The following RSPO1 variants were observed in gnomAD, a reference collection of about 807,000 sequenced individuals.
RSPO1 encodes R-spondin 1, also known as R-spondin-1.
In RSPO1, 18 loss-of-function variants were observed where a neutral mutation model predicts 26.0. The observed-to-expected ratio is 0.69, with a 90% CI of 0.48 to 1.03. RSPO1 has a LOEUF of 1.03. Among genes scored for constraint, RSPO1 ranks in the 50% least tolerant of loss-of-function variants. The probability of loss-of-function intolerance (pLI) is 0.00; values close to 1 mark genes in which losing one functional copy is unlikely to be tolerated. For synonymous variants in RSPO1, 133 were observed against 137.4 expected, an observed-to-expected ratio of 0.97 and a Z score of 0.22; for missense variants, 309 against 352.3, an observed-to-expected ratio of 0.88 and a Z score of 0.98.
intron 1 of RSPO1, among the ~76,000 whole-genome samples, chr1:37,632,805 T>A (rs1218308398): frequency 6.6e-6 from 1 of 152,162 alleles, no homozygotes; most frequent in African/African-American, 2.4e-5. Flanking sequence ...CACACAGGCA[T>A]GCACTCTTGC....
rs563949840 is a variant in RSPO1, at chr1:37,612,794, T to TTGC, written c.750_752dup (p.Gln251dup). On this transcript the variant is annotated inframe_insertion, in exon 7 of 7. Transcript: ENST00000356545. ...CAGATGTGAGTGGCCCCACTGTCCCTTGCTGCTGCTGCTGTTGCTGCCCCT... is the reference window on the plus strand; with the variant it reads ...CAGATGTGAGTGGCCCCACTGTCCCTTGCTGCTGCTGCTGCTGTTGCTGCCCCT... 1,751 of 1,612,830 alleles carry TTGC rather than the reference T, an allele frequency of 1.1e-3. 22 individuals carry two copies. In the African/African-American group the frequency reaches 0.022, roughly 20 times the overall value.
In RSPO1 at chr1:37,620,848, T is replaced by C. The variant is rs60018065; in HGVS notation, c.95-4173A>G. Among the ~76,000 whole-genome samples, 91 of 152,242 alleles carry C rather than the reference T, an allele frequency of 6.0e-4. 2 individuals are homozygous for C. The East Asian group carries it at 0.017, about 28-fold the overall frequency. On this transcript the variant is annotated intron_variant, in intron 3 of 6. Transcript: ENST00000356545. The stretch of plus-strand genomic sequence containing the variant: ...TTAGGCACCACTTCCACTTCAAAGA[T>C]ATTAAATTGTCTATGACTCACTGTT...
chr1:37,622,360 T>G (rs1272530809), intron 3 of RSPO1, among the ~76,000 whole-genome samples: 1 of 152,150 alleles, frequency 6.6e-6, no homozygotes, highest in Non-Finnish European at 1.5e-5. Flanking sequence ...CGCCCCCTCT[T>G]TCAAGAAGTT....
intron 3 of RSPO1, among the ~76,000 whole-genome samples, chr1:37,626,131 A>G (rs1167380272): frequency 4.0e-5 from 6 of 151,732 alleles, no homozygotes; most frequent in Admixed American, 2.0e-4. Context: ...CTCCTCACCC[A>G]CTGTAGCTGG....
chr1:37,614,408 C>T (rs1359824930), intron 4 of RSPO1, 75 bp from the exon 5 acceptor site: 1 of 1,556,334 alleles, frequency 6.4e-7, no homozygotes, highest in Non-Finnish European at 8.8e-7. Context: ...GCCCCAATAC[C>T]CTCCCTTCTG....
At chr1:37,615,892 AAGC>A (rs1644103412) in intron 4 of RSPO1, among the ~76,000 whole-genome samples, 1 of 152,188 alleles carries the variant, frequency 6.6e-6, no homozygotes, top group Non-Finnish European at 1.5e-5. Context: ...AGTGGTTTTT[AAGC>A]AGAAGTGTGA....
intron 3 of RSPO1, among the ~76,000 whole-genome samples, chr1:37,626,249 G>A (rs1164897865): frequency 6.6e-6 from 1 of 152,122 alleles, no homozygotes; most frequent in Non-Finnish European, 1.5e-5. Context: ...GCCCCAGACA[G>A]CTTCCTTGCT....
At chr1:37,625,303 G>A (rs897879279) in intron 3 of RSPO1, among the ~76,000 whole-genome samples, 1 of 152,204 alleles carries the variant, frequency 6.6e-6, no homozygotes, top group African/African-American at 2.4e-5. Context: ...TGAGATGAGG[G>A]GTGGTGTATG....
chr1:37,617,930 A>T (rs1000210093), intron 3 of RSPO1, among the ~76,000 whole-genome samples: 55 of 152,270 alleles, frequency 3.6e-4, no homozygotes, highest in Non-Finnish European at 5.6e-4. Context: ...GACCCAAAAG[A>T]AGGAGGGAAA....
rs777821579 is a variant in RSPO1 at position 37,629,892 on chromosome 1, G to A, written c.-231C>T. The A allele has an allele frequency of 9.0e-6, 14 of 1,548,648 alleles. No homozygotes were observed. Among genetic ancestry groups the A allele is most frequent in the East Asian group, 4.9e-5 (2 of 40,902 alleles). The stretch of plus-strand genomic sequence containing the variant: ...AGAGAGACTTCCTCAAAGATACCTC[G>A]GAATATCATATGAGAGATCTTTTTG... On this transcript the variant is annotated 5_prime_UTR_variant, in exon 3 of 7. It introduces an in-frame stop codon into an upstream open reading frame of the 5' UTR. Transcript: ENST00000356545.
chr1:37,618,959 C>T (rs757653938), intron 3 of RSPO1, among the ~76,000 whole-genome samples: 8 of 152,180 alleles, frequency 5.3e-5, no homozygotes, highest in African/African-American at 9.7e-5. Context: ...CAGTAGCTCA[C>T]GCCTAGAATC....
Position 37,616,515 on chromosome 1 carries a change from G to A in RSPO1, c.255C>T (p.Asp85=), listed in dbSNP as rs766588002. ...CLPSCPPGYF[D]ARNPDMNKCI... ...ACTTGTTCATGTCGGGGTTGCGGGCGTCGAAGTATCCAGGTGGGCAGGACG... is the reference window on the plus strand; with the variant it reads ...ACTTGTTCATGTCGGGGTTGCGGGCATCGAAGTATCCAGGTGGGCAGGACG... Residue 85 remains aspartate, a synonymous_variant, in exon 4 of 7, where the codon GAC becomes GAT. Coordinates refer to ENST00000356545, the MANE Select transcript of RSPO1 (RefSeq NM_001242908.2). 1.6e-5 allele frequency: 26 copies of A among 1,614,076 alleles called. No homozygotes were observed. The highest frequency in any genetic ancestry group is 8.9e-5 in the East Asian group (4 of 44,894).
chr1:37,618,481 A>G (rs1557432687), intron 3 of RSPO1, among the ~76,000 whole-genome samples: 1 of 152,160 alleles, frequency 6.6e-6, no homozygotes, highest in Non-Finnish European at 1.5e-5. Flanking sequence ...GACCTGGCCC[A>G]ATTTACATGT....
At chr1:37,623,717 GA>G (rs373677656) in intron 3 of RSPO1, among the ~76,000 whole-genome samples, 42 of 139,466 alleles carry the variant, frequency 3.0e-4, no homozygotes, top group African/African-American at 5.1e-4. Context: ...ACCTCAAAAG[GA>G]AAAAAAAAAA....
chr1:37,617,297 C>T (rs1183742405), intron 3 of RSPO1, among the ~76,000 whole-genome samples: 1 of 152,102 alleles, frequency 6.6e-6, no homozygotes, highest in African/African-American at 2.4e-5. Flanking sequence ...TACAATGCAT[C>T]GGGCACAGCA....
intron 3 of RSPO1, among the ~76,000 whole-genome samples, chr1:37,617,777 T>C (rs1644140028): frequency 1.3e-5 from 2 of 150,118 alleles, no homozygotes; most frequent in East Asian, 2.0e-4. Context: ...TTAATCCTCA[T>C]AGAGGCCCTT....
chr1:37,616,396 T>C (rs1644112305), intron 4 of RSPO1, 88 bp downstream of exon 4: 1 of 1,310,112 alleles, frequency 7.6e-7, no homozygotes, highest in Admixed American at 1.8e-5. Flanking sequence ...CCTCTGCTCC[T>C]CTTGCCAGCC....
intron 3 of RSPO1, among the ~76,000 whole-genome samples, chr1:37,625,377 A>G (rs557952431): frequency 3.0e-4 from 45 of 152,338 alleles, no homozygotes; most frequent in African/African-American, 1.1e-3. Flanking sequence ...TGAGGGACTC[A>G]GGTGGGATGG....
At chr1:37,629,488 A>C in intron 3 of RSPO1, 80 bp downstream of exon 3, 4 of 1,136,816 alleles carry the variant, frequency 3.5e-6, no homozygotes, top group Non-Finnish European at 5.3e-6. Flanking sequence ...ATGGAATAAA[A>C]CTCCTGAAGA....
Sources: gnomAD v4.1 joint callset for allele counts (sites outside exome capture counted in the v4.1 genomes callset) on GRCh38, gnomAD v4.1.1 for gene constraint, MANE v1.5 for transcripts, NCBI Gene and HGNC (gene_info 2026-07-23, HGNC 2026-07-21) for gene names.